The following PRKN variants were observed in gnomAD, a reference collection of about 807,000 sequenced individuals.
The protein encoded by PRKN is parkin RBR E3 ubiquitin protein ligase.
A neutral mutation model predicts 59.5 loss-of-function variants in PRKN; 56 were observed. The observed-to-expected ratio is 0.94, with a 90% CI of 0.76 to 1.18. The LOEUF is 1.18. PRKN is among the 50% of genes most tolerant of loss of function. The pLI, the probability that PRKN is intolerant of heterozygous loss-of-function variation, is 0.00. For missense variants in PRKN, 657 were observed against 596.4 expected (o/e 1.10, Z -1.06); for synonymous variants, 250 against 222.1 (o/e 1.13, Z -1.12).
intron 7 of PRKN, among the ~76,000 whole-genome samples, chr6:161,598,569 CAT>C (rs1781999090): frequency 6.6e-6 from 1 of 152,148 alleles, no homozygotes; most frequent in South Asian, 2.1e-4. Context: ...CATATACACG[CAT>C]ATGATTTCTA....
intron 5 of PRKN, among the ~76,000 whole-genome samples, chr6:161,974,959 C>T (rs1277793214): frequency 6.6e-6 from 1 of 152,098 alleles, no homozygotes; most frequent in Non-Finnish European, 1.5e-5. Flanking sequence ...CTAACAAAAC[C>T]TTATTTACAA....
At chr6:161,610,492 T>TACACACACACACACACACAC (rs370179659) in intron 7 of PRKN, among the ~76,000 whole-genome samples, 1 of 139,826 alleles carries the variant, frequency 7.2e-6, no homozygotes, top group African/African-American at 2.6e-5. Flanking sequence ...ATATTAATAA[T>TACACACACACACACACACAC]ACACACACAC....
chr6:162,504,788 CACT>C (rs1562338529), intron 1 of PRKN, among the ~76,000 whole-genome samples: 1 of 151,954 alleles, frequency 6.6e-6, no homozygotes, highest in East Asian at 1.9e-4. Flanking sequence ...AAGAAGACAC[CACT>C]GATAAAAGAT....
rs955218534 is a variant in PRKN, at chr6:161,538,616, A to C, written c.1083+10238T>G. On this transcript the variant is annotated intron_variant, in intron 9 of 11. Coordinates refer to ENST00000366898, the MANE Select transcript of PRKN (RefSeq NM_004562.3). The surrounding 1 kb of genome is among the most constrained non-coding windows in gnomAD (Gnocchi z 4.2). ...GTCTTTGAGGACTTCAACTGGTAGA[A>C]TCCTGGGGCCCACTGAGATGCCAAG... 1.7e-4 allele frequency among the ~76,000 whole-genome samples: 26 copies of C among 152,092 alleles called. No homozygotes were observed. The highest frequency in any genetic ancestry group is 2.9e-5 in the Non-Finnish European group (2 of 68,000).
intron 1 of PRKN, among the ~76,000 whole-genome samples, chr6:162,637,329 G>T (rs1431114124): frequency 7.7e-6 from 1 of 130,350 alleles, no homozygotes; most frequent in Non-Finnish European, 1.5e-5. Flanking sequence ...TCCACCATCA[G>T]ATTGAGATTT....
chr6:162,090,140 T>A (rs1387193742), intron 4 of PRKN, among the ~76,000 whole-genome samples: 1 of 150,668 alleles, frequency 6.6e-6, no homozygotes, highest in Non-Finnish European at 1.5e-5. Context: ...CACGCAGTAT[T>A]TGTGTGTGTG....
At chr6:162,535,207 G>A (rs1778667526) in intron 1 of PRKN, among the ~76,000 whole-genome samples, 1 of 152,122 alleles carries the variant, frequency 6.6e-6, no homozygotes, top group Admixed American at 6.6e-5. Flanking sequence ...CGGTCTTTCT[G>A]CAGCTCAGAG....
At position 162,148,366 on chromosome 6, in the gene PRKN, C is replaced by T. The variant is rs138795831; in HGVS notation, c.534+52765G>A. On this transcript the variant is annotated intron_variant, in intron 4 of 11. Transcript: ENST00000366898. ...GAATTCACCAGCGTTTGGGTTTCCA[C>T]GCCTAAGAGCTTGAAAAAAAAAGAC... 8.3e-3 allele frequency among the ~76,000 whole-genome samples: 817 copies of T among 98,272 alleles called. 5 individuals carry two copies. The highest frequency in any genetic ancestry group is 0.03 in the African/African-American group (746 of 25,028). 64.5% of individuals were successfully genotyped at this position (98,272 alleles called of 152,430 possible). A position where few individuals can be genotyped will look rare whatever the true frequency, so the allele number is the denominator to read the frequency against.
At chr6:162,005,550 GAA>G (rs56974841) in intron 5 of PRKN, among the ~76,000 whole-genome samples, 5 of 148,158 alleles carry the variant, frequency 3.4e-5, no homozygotes, top group East Asian at 2.0e-4. Flanking sequence ...TAAATTGGTA[GAA>G]AAAAAAAAAG....
intron 9 of PRKN, among the ~76,000 whole-genome samples, chr6:161,493,874 A>C (rs1777647081): frequency 6.6e-6 from 1 of 152,200 alleles, no homozygotes; most frequent in East Asian, 1.9e-4. Flanking sequence ...TCAAAATGCC[A>C]TCTGTAAGTG....
At chr6:161,558,145 C>T (rs1780311414) in intron 8 of PRKN, among the ~76,000 whole-genome samples, 1 of 152,132 alleles carries the variant, frequency 6.6e-6, no homozygotes, top group South Asian at 2.1e-4. Context: ...CAAAGAAGTG[C>T]CATCTTTTGC....
At chr6:162,648,935 T>C (rs1392325566) in intron 1 of PRKN, among the ~76,000 whole-genome samples, 1 of 152,112 alleles carries the variant, frequency 6.6e-6, no homozygotes, top group Non-Finnish European at 1.5e-5. Context: ...GGGGTCCTCA[T>C]CTAATCAGTT....
rs1437534114 is a variant in PRKN, at chr6:161,379,446, A to G, written c.1167+7348T>C. On this transcript the variant is annotated intron_variant, in intron 10 of 11. Coordinates refer to ENST00000366898, the MANE Select transcript of PRKN (RefSeq NM_004562.3). This position sits in a 1 kb window ranked among gnomAD's most constrained non-coding sequence, Gnocchi z 4.9. ...ACATTTCTCCAGTCTCTCTCATTCC[A>G]CAAGCAAATGTCTCCAGGCAGTGCA... 1.3e-5 allele frequency among the ~76,000 whole-genome samples: 2 copies of G among 152,160 alleles called. No homozygotes were observed. The highest frequency in any genetic ancestry group is 2.9e-5 in the Non-Finnish European group (2 of 68,018).
chr6:162,257,836 C>A (rs1779710317), intron 3 of PRKN, among the ~76,000 whole-genome samples: 1 of 152,124 alleles, frequency 6.6e-6, no homozygotes. Flanking sequence ...TCACAAGCAG[C>A]CAGCATGAGG....
At chr6:162,049,083 G>A (rs1350962652) in intron 5 of PRKN, among the ~76,000 whole-genome samples, 2 of 152,108 alleles carry the variant, frequency 1.3e-5, no homozygotes, top group Middle Eastern at 3.2e-3. Flanking sequence ...CTGTCTAAAG[G>A]AGAGTTAGGG....
chr6:162,134,700 C>T (rs1180663114), intron 4 of PRKN, among the ~76,000 whole-genome samples: 1 of 151,900 alleles, frequency 6.6e-6, no homozygotes, highest in Non-Finnish European at 1.5e-5. Flanking sequence ...AGATCAAAGC[C>T]ATAGGTGAAA....
At chr6:161,531,802 C>A (rs993984613) in intron 9 of PRKN, among the ~76,000 whole-genome samples, 1 of 152,092 alleles carries the variant, frequency 6.6e-6, no homozygotes, top group African/African-American at 2.4e-5. Context: ...GGTGGATTAC[C>A]TGCGTCTATT....
intron 6 of PRKN, among the ~76,000 whole-genome samples, chr6:161,884,654 T>G (rs927271330): frequency 9.9e-5 from 15 of 152,218 alleles, no homozygotes; most frequent in Admixed American, 4.6e-4. Flanking sequence ...TTTGTTGAAA[T>G]AGTAAATCCA....
intron 7 of PRKN, among the ~76,000 whole-genome samples, chr6:161,757,871 C>CTG (rs1554301313): frequency 8.2e-5 from 8 of 97,980 alleles, no homozygotes; most frequent in African/African-American, 1.8e-4. Flanking sequence ...CTCTCTCTCT[C>CTG]TGTGTATATA....
Sources: gnomAD v4.1 joint callset for allele counts (sites outside exome capture counted in the v4.1 genomes callset) on GRCh38, gnomAD v4.1.1 for gene constraint, Gnocchi (gnomAD v3.1) non-coding constraint, MANE v1.5 for transcripts, NCBI Gene and HGNC (gene_info 2026-07-23, HGNC 2026-07-21) for gene names.